CRPPA: variants seen among roughly 807,000 people sequenced by gnomAD.
CRPPA encodes D-ribitol-5-phosphate cytidylyltransferase.
In CRPPA, 43 loss-of-function variants were observed where a neutral mutation model predicts 52.0. That is an observed-to-expected ratio of 0.83 (90% CI 0.65 to 1.07). The LOEUF (loss-of-function observed/expected upper bound fraction) is 1.07, where lower values mean the gene tolerates loss of function less well. Among genes scored for constraint, CRPPA ranks in the 50% least tolerant of loss-of-function variants. The pLI, the probability that CRPPA is intolerant of heterozygous loss-of-function variation, is 0.00. For missense variants in CRPPA, 629 were observed against 551.7 expected (o/e 1.14, Z -1.40); for synonymous variants, 250 against 203.5 (o/e 1.23, Z -1.94).
At chr7:16,247,197 C>T (rs1032906755) in intron 8 of CRPPA, among the ~76,000 whole-genome samples, 1 of 152,256 alleles carries the variant, frequency 6.6e-6, no homozygotes, top group Non-Finnish European at 1.5e-5. Context: ...CTGCTAGCTT[C>T]AAACTCTTCT....
At chr7:16,369,798 T>G (rs775675556) in intron 3 of CRPPA, among the ~76,000 whole-genome samples, 1 of 151,904 alleles carries the variant, frequency 6.6e-6, no homozygotes, top group Admixed American at 6.6e-5. Flanking sequence ...CAATAGGAAC[T>G]TAACAGGAAA....
At chr7:16,377,806 T>C (rs1786935393) in intron 2 of CRPPA, among the ~76,000 whole-genome samples, 1 of 152,124 alleles carries the variant, frequency 6.6e-6, no homozygotes. Flanking sequence ...CTGCCAGCAT[T>C]TCCTATGCCC....
At chr7:16,214,288 A>G (rs1040134241) in intron 9 of CRPPA, among the ~76,000 whole-genome samples, 2 of 152,198 alleles carry the variant, frequency 1.3e-5, no homozygotes, top group Non-Finnish European at 2.9e-5. Context: ...TGGAAAGTCA[A>G]CTACAGTGCA....
At chr7:16,255,040 C>A (rs1783597736) in intron 8 of CRPPA, among the ~76,000 whole-genome samples, 1 of 152,058 alleles carries the variant, frequency 6.6e-6, no homozygotes, top group South Asian at 2.1e-4. Context: ...ATTTAGAAAA[C>A]CCCATCATGT....
intron 3 of CRPPA, among the ~76,000 whole-genome samples, chr7:16,325,991 A>C (rs1785378222): frequency 6.6e-6 from 1 of 151,838 alleles, no homozygotes; most frequent in African/African-American, 2.4e-5. Flanking sequence ...ATCATGGTCT[A>C]GTAATACGCT....
In CRPPA at chr7:16,164,370, T is replaced by C. The variant is rs186339290; in HGVS notation, c.1251+51696A>G. ...TTTTTCAGCTCCATCAGGTCATTTATGTTCTTCTGTAAACTGGTTATTCTA... is the reference window on the plus strand; with the variant it reads ...TTTTTCAGCTCCATCAGGTCATTTACGTTCTTCTGTAAACTGGTTATTCTA... On this transcript the variant is annotated intron_variant, in intron 9 of 9. Coordinates refer to ENST00000407010, the MANE Select transcript of CRPPA (RefSeq NM_001101426.4). Among the ~76,000 whole-genome samples, 1,314 of 152,338 alleles carry C rather than the reference T, an allele frequency of 8.6e-3. 5 individuals carry two copies. Among genetic ancestry groups the C allele is most frequent in the Admixed American group, 0.012 (190 of 15,306 alleles).
intron 8 of CRPPA, among the ~76,000 whole-genome samples, chr7:16,252,907 A>T (rs370649908): frequency 9.2e-5 from 14 of 152,140 alleles, no homozygotes; most frequent in African/African-American, 3.1e-4. Flanking sequence ...TGTTCATAGT[A>T]TTCTCTGATG....
At chr7:16,296,551 A>G (rs901055227) in intron 5 of CRPPA, among the ~76,000 whole-genome samples, 3 of 152,152 alleles carry the variant, frequency 2.0e-5, no homozygotes, top group African/African-American at 7.2e-5. Context: ...TTGACCAGGA[A>G]TAACTGTTAT....
intron 9 of CRPPA, among the ~76,000 whole-genome samples, chr7:16,211,879 GAGA>G (rs1167600684): frequency 6.6e-6 from 1 of 152,162 alleles, no homozygotes; most frequent in Non-Finnish European, 1.5e-5. Context: ...CCAGACAATA[GAGA>G]AGAACAATTG....
chr7:16,125,623 G>A (rs940759496), intron 9 of CRPPA, among the ~76,000 whole-genome samples: 5 of 151,952 alleles, frequency 3.3e-5, no homozygotes, highest in South Asian at 2.1e-4. Flanking sequence ...GACCCCCCTC[G>A]TAAATAAGCA....
chr7:16,190,173 C>G (rs898966568), intron 9 of CRPPA, among the ~76,000 whole-genome samples: 1 of 152,166 alleles, frequency 6.6e-6, no homozygotes, highest in Admixed American at 6.5e-5. Flanking sequence ...GACACATAAA[C>G]CAGATATCTA....
chr7:16,132,148 C>CCTGGTCCCTGGTGACA (rs1562519760), intron 9 of CRPPA, among the ~76,000 whole-genome samples: 1 of 127,920 alleles, frequency 7.8e-6, no homozygotes, highest in Admixed American at 7.7e-5. Flanking sequence ...AATATGGAAC[C>CCTGGTCCCTGGTGACA]AAAGAGTGAT....
At chr7:16,122,210 G>A (rs1782493123) in intron 9 of CRPPA, among the ~76,000 whole-genome samples, 1 of 152,012 alleles carries the variant, frequency 6.6e-6, no homozygotes, top group Non-Finnish European at 1.5e-5. Flanking sequence ...AAGGGCTAGG[G>A]CTAACAAAAT....
intron 8 of CRPPA, among the ~76,000 whole-genome samples, chr7:16,257,364 C>T (rs1783672256): frequency 6.6e-6 from 1 of 152,056 alleles, no homozygotes; most frequent in South Asian, 2.1e-4. Context: ...TCAGAGGCTT[C>T]CAACATTGGA....
chr7:16,154,973 CTTTTTTTT>C (rs11363510), intron 9 of CRPPA, among the ~76,000 whole-genome samples: 1 of 127,030 alleles, frequency 7.9e-6, no homozygotes, highest in Admixed American at 8.1e-5. Flanking sequence ...CTAATTTTTT[CTTTTTTTT>C]TTTTTTTTTG....
intron 2 of CRPPA, among the ~76,000 whole-genome samples, chr7:16,396,947 CAT>C (rs780090776): frequency 5.3e-5 from 8 of 152,292 alleles, no homozygotes; most frequent in Middle Eastern, 3.4e-3. Context: ...ACAACTGTGA[CAT>C]GTGATGGAAG....
chr7:16,237,732 C>T (rs758782505), intron 8 of CRPPA, among the ~76,000 whole-genome samples: 1 of 152,198 alleles, frequency 6.6e-6, no homozygotes, highest in South Asian at 2.1e-4. Flanking sequence ...TAATACTAGG[C>T]AGTGCTGCTT....
intron 8 of CRPPA, among the ~76,000 whole-genome samples, chr7:16,229,818 G>A (rs904750411): frequency 6.6e-6 from 1 of 151,938 alleles, no homozygotes; most frequent in Middle Eastern, 3.2e-3. Context: ...TGTGTATCAG[G>A]TCTGGTGGTG....
At chr7:16,389,470 A>G (rs913108986) in intron 2 of CRPPA, among the ~76,000 whole-genome samples, 2 of 152,214 alleles carry the variant, frequency 1.3e-5, no homozygotes, top group Admixed American at 1.3e-4. Flanking sequence ...AAAAAAGTCA[A>G]TGTAATAAAC....
Sources: allele counts gnomAD v4.1 joint callset (sites outside exome capture counted in the v4.1 genomes callset), GRCh38; gene constraint gnomAD v4.1.1; transcripts MANE v1.5; gene names NCBI Gene and HGNC (gene_info 2026-07-23, HGNC 2026-07-21).